STK39: variants seen among roughly 807,000 people sequenced by gnomAD.
STK39 encodes the protein serine/threonine kinase 39.
A neutral mutation model predicts 77.8 loss-of-function variants in STK39; 20 were observed. The observed-to-expected ratio is 0.26, with a 90% CI of 0.18 to 0.37. The LOEUF (loss-of-function observed/expected upper bound fraction) is 0.37, where lower values mean the gene tolerates loss of function less well. Ranked by LOEUF, STK39 falls within the 10% of genes least tolerant of loss-of-function variation. The probability of loss-of-function intolerance (pLI) is 1.00; values close to 1 mark genes in which losing one functional copy is unlikely to be tolerated. For missense variants in STK39, 479 were observed against 656.5 expected (o/e 0.73, Z 2.95); for synonymous variants, 246 against 234.1 (o/e 1.05, Z -0.47).
At chr2:168,225,827 C>T (rs1007033010) in intron 1 of STK39, among the ~76,000 whole-genome samples, 2 of 152,142 alleles carry the variant, frequency 1.3e-5, no homozygotes, top group Admixed American at 6.5e-5. Flanking sequence ...ACTTGTGATT[C>T]CTTCCCAGGC....
intron 10 of STK39, among the ~76,000 whole-genome samples, chr2:168,109,874 G>GT (rs1687076122): frequency 6.6e-6 from 1 of 152,136 alleles, no homozygotes. Context: ...GGAAGTACCT[G>GT]TTTTTTGTGT....
At chr2:168,158,764 G>A (rs1688498374) in intron 5 of STK39, among the ~76,000 whole-genome samples, 1 of 152,200 alleles carries the variant, frequency 6.6e-6, no homozygotes, top group African/African-American at 2.4e-5. Flanking sequence ...ATGGAGTTGT[G>A]CTGAGGACTG....
At chr2:168,170,697 GAC>G (rs1688801721) in intron 2 of STK39, among the ~76,000 whole-genome samples, 1 of 152,170 alleles carries the variant, frequency 6.6e-6, no homozygotes, top group South Asian at 2.1e-4. Flanking sequence ...TGAGAGGAGG[GAC>G]ACAGACGACT....
At chr2:168,079,627 T>G (rs1195811179) in intron 10 of STK39, among the ~76,000 whole-genome samples, 2 of 152,162 alleles carry the variant, frequency 1.3e-5, no homozygotes, top group African/African-American at 4.8e-5. Context: ...GGGAGGGAGC[T>G]TGTTAGAAAT....
chr2:168,083,958 T>C (rs1266761695), intron 10 of STK39, among the ~76,000 whole-genome samples: 1 of 152,152 alleles, frequency 6.6e-6, no homozygotes, highest in African/African-American at 2.4e-5. Context: ...CCAGATCTTC[T>C]GATTCTTCTA....
intron 2 of STK39, among the ~76,000 whole-genome samples, chr2:168,176,750 T>C (rs1447721420): frequency 6.6e-6 from 1 of 152,154 alleles, no homozygotes; most frequent in Non-Finnish European, 1.5e-5. Context: ...AGAAACTCTT[T>C]CATTATGTTC....
At chr2:167,989,178 C>T (rs1032208691) in intron 16 of STK39, among the ~76,000 whole-genome samples, 5 of 152,134 alleles carry the variant, frequency 3.3e-5, no homozygotes, top group East Asian at 1.9e-4. Flanking sequence ...GTGGTCTGTA[C>T]GCACCTGGGG....
intron 1 of STK39, among the ~76,000 whole-genome samples, chr2:168,239,118 G>C (rs1394932224): frequency 6.6e-6 from 1 of 152,138 alleles, no homozygotes; most frequent in Non-Finnish European, 1.5e-5. Flanking sequence ...ACCTTTGAAA[G>C]CCACTTGTTC....
At chr2:168,234,279 G>C (rs1690539744) in intron 1 of STK39, among the ~76,000 whole-genome samples, 1 of 152,210 alleles carries the variant, frequency 6.6e-6, no homozygotes, top group African/African-American at 2.4e-5. Flanking sequence ...GCACTAGCCT[G>C]TAAGGCAGTC....
chr2:168,141,868 A>G (rs776931842), intron 5 of STK39, among the ~76,000 whole-genome samples: 1 of 152,230 alleles, frequency 6.6e-6, no homozygotes, highest in East Asian at 1.9e-4. Flanking sequence ...CTGTAGGCCT[A>G]TAAGGTTAGT....
chr2:168,169,532 T>C (rs1239360468), intron 2 of STK39, among the ~76,000 whole-genome samples: 3 of 152,062 alleles, frequency 2.0e-5, no homozygotes, highest in Non-Finnish European at 4.4e-5. Context: ...GAAGGCAAGG[T>C]TGAGTCAGTC....
At chr2:168,232,437 A>G (rs1413892852) in intron 1 of STK39, among the ~76,000 whole-genome samples, 1 of 152,188 alleles carries the variant, frequency 6.6e-6, no homozygotes, top group Admixed American at 6.5e-5. Flanking sequence ...TTAAACAACT[A>G]CATATGGCTA....
chr2:168,023,008 G>A (rs555701964), intron 14 of STK39, among the ~76,000 whole-genome samples: 17 of 152,172 alleles, frequency 1.1e-4, no homozygotes, highest in Non-Finnish European at 2.4e-4. Flanking sequence ...TCGAACTCTC[G>A]GGCTCAAGCA....
chr2:168,068,221 C>A (rs921816046), intron 12 of STK39, among the ~76,000 whole-genome samples: 3 of 152,134 alleles, frequency 2.0e-5, no homozygotes, highest in African/African-American at 4.8e-5. Flanking sequence ...GAGGAGGAGG[C>A]AGGAACAATG....
chr2:168,086,213 G>A (rs532055825), intron 10 of STK39, among the ~76,000 whole-genome samples: 10 of 152,186 alleles, frequency 6.6e-5, no homozygotes, highest in Admixed American at 2.0e-4. Context: ...TTAATAGGTC[G>A]TATTTGGCAG....
At position 168,032,808 on chromosome 2, in the gene STK39, T is replaced by C. The variant is rs1413020289; in HGVS notation, c.1377-15713A>G. Among the ~76,000 whole-genome samples, 10 of 152,306 alleles carry C rather than the reference T, an allele frequency of 6.6e-5. No homozygotes were observed. The South Asian group carries it at 2.1e-3, about 32-fold the overall frequency. On this transcript the variant is annotated intron_variant, in intron 14 of 17. Transcript: ENST00000355999. ...TGAAGGAAAAGATAAGAGGGCCCTT[T>C]CCCCGATGGGTAACATATAGGAGAG... is the stretch of plus-strand genomic sequence containing the variant.
Position 168,167,497 on chromosome 2 carries a change from T to C in STK39, c.322-90A>G. On this transcript the variant is annotated intron_variant, in intron 2 of 17. Transcript: ENST00000355999. ...AATCACAGTTGAGTACCTGGGTAAC[T>C]TTCCTACTCGAAAGCCTACCTGAGG... 4 of 1,169,440 alleles carry C rather than the reference T, an allele frequency of 3.4e-6. No homozygotes were observed. In the South Asian group the frequency reaches 4.0e-5, roughly 12 times the overall value. 72.4% of individuals were successfully genotyped at this position (1,169,440 alleles called of 1,614,324 possible). A position where few individuals can be genotyped will look rare whatever the true frequency, so the allele number is the denominator to read the frequency against.
chr2:168,126,943 C>A (rs1687559495), intron 10 of STK39, among the ~76,000 whole-genome samples: 1 of 152,166 alleles, frequency 6.6e-6, no homozygotes, highest in African/African-American at 2.4e-5. Flanking sequence ...CTATGTGACA[C>A]TGAGCTGTGC....
chr2:167,987,058 A>G (rs985961536), intron 16 of STK39, among the ~76,000 whole-genome samples: 2 of 152,196 alleles, frequency 1.3e-5, no homozygotes, highest in Non-Finnish European at 2.9e-5. Context: ...ATGTTATTTG[A>G]GGCAGCAAGA....
Sources: gnomAD v4.1 joint callset for allele counts (sites outside exome capture counted in the v4.1 genomes callset) on GRCh38, gnomAD v4.1.1 for gene constraint, MANE v1.5 for transcripts, NCBI Gene and HGNC (gene_info 2026-07-23, HGNC 2026-07-21) for gene names.